TAFA2: variants seen among roughly 807,000 people sequenced by gnomAD.
TAFA2 encodes the protein TAFA chemokine like family member 2.
In TAFA2, 7 loss-of-function variants were observed where a neutral mutation model predicts 18.8. That is an observed-to-expected ratio of 0.37 (90% confidence interval 0.21 to 0.70). TAFA2 has a LOEUF of 0.70. Among genes scored for constraint, TAFA2 ranks in the 30% least tolerant of loss-of-function variants. The pLI is 0.53. For missense variants in TAFA2, 122 were observed against 158.1 expected, an observed-to-expected ratio of 0.77 and a Z score of 1.23; for synonymous variants, 60 against 54.2, an observed-to-expected ratio of 1.11 and a Z score of -0.47.
At chr12:62,080,715 T>G (rs1367702001) in intron 1 of TAFA2, among the ~76,000 whole-genome samples, 3 of 152,196 alleles carry the variant, frequency 2.0e-5, no homozygotes, top group Non-Finnish European at 4.4e-5. Context: ...CCACTTTGTA[T>G]GAAATAGTCA....
At chr12:62,220,644 C>G (rs2062756574) in intron 1 of TAFA2, among the ~76,000 whole-genome samples, 1 of 152,158 alleles carries the variant, frequency 6.6e-6, no homozygotes, top group Non-Finnish European at 1.5e-5. Flanking sequence ...AAATGTACCA[C>G]TCTGGTGGGA....
At chr12:61,781,016 T>G (rs900624344) in intron 2 of TAFA2, among the ~76,000 whole-genome samples, 2 of 151,624 alleles carry the variant, frequency 1.3e-5, no homozygotes, top group African/African-American at 4.8e-5. Context: ...CCCATCTAAC[T>G]ATCTAAAAAT....
chr12:61,896,183 T>A (rs544294416), intron 1 of TAFA2, among the ~76,000 whole-genome samples: 2 of 152,300 alleles, frequency 1.3e-5, no homozygotes, highest in South Asian at 2.1e-4. Context: ...TTTATTTTTG[T>A]TTCATTTCTT....
chr12:61,866,160 G>A (rs767817229), intron 2 of TAFA2, among the ~76,000 whole-genome samples: 2 of 152,104 alleles, frequency 1.3e-5, no homozygotes, highest in Admixed American at 6.5e-5. Context: ...TCACACACAC[G>A]AAAACATACT....
At position 61,749,471 on chromosome 12, in the gene TAFA2, C is replaced by T. The variant is rs552019235; in HGVS notation, c.384+4151G>A. The stretch of plus-strand genomic sequence containing the variant: ...CACAGTAAGAGCTAAGTAAATGCTT[C>T]TGTATTTGCTTTTGTTGTTTTAATT... On this transcript the variant is annotated intron_variant, in intron 4 of 4. Coordinates refer to ENST00000416284, the MANE Select transcript of TAFA2 (RefSeq NM_178539.5). 8.5e-5 allele frequency among the ~76,000 whole-genome samples: 13 copies of T among 152,058 alleles called. No homozygotes were observed. The East Asian group carries it at 2.5e-3, about 30-fold the overall frequency.
chr12:62,039,969 G>A (rs1287819693), intron 1 of TAFA2, among the ~76,000 whole-genome samples: 6 of 152,068 alleles, frequency 3.9e-5, no homozygotes, highest in South Asian at 2.1e-4. Context: ...GCATTCCTCC[G>A]GTTGATTTTT....
chr12:61,910,081 C>T (rs926795011), intron 1 of TAFA2, among the ~76,000 whole-genome samples: 1 of 130,566 alleles, frequency 7.7e-6, no homozygotes. Context: ...GGTGTGCGTG[C>T]TTGTGTGTGT....
intron 4 of TAFA2, among the ~76,000 whole-genome samples, chr12:61,722,953 A>G (rs745539428): frequency 1.3e-5 from 2 of 152,156 alleles, no homozygotes; most frequent in Non-Finnish European, 2.9e-5. Flanking sequence ...TTTATGATAT[A>G]TAACATCCTT....
chr12:62,070,322 T>A (rs548332280), intron 1 of TAFA2: 1 of 152,308 alleles, frequency 6.6e-6, no homozygotes, highest in African/African-American at 2.4e-5. Flanking sequence ...TGAGAGAGAA[T>A]ATGCTACAAA....
At chr12:62,142,155 G>C (rs555973376) in intron 1 of TAFA2, among the ~76,000 whole-genome samples, 4 of 152,270 alleles carry the variant, frequency 2.6e-5, no homozygotes, top group Non-Finnish European at 5.9e-5. Flanking sequence ...ATAAGCTTGT[G>C]ATCTTAAGGA....
At chr12:62,097,406 CA>C (rs1385245683) in intron 1 of TAFA2, among the ~76,000 whole-genome samples, 10 of 152,182 alleles carry the variant, frequency 6.6e-5, no homozygotes, top group African/African-American at 2.4e-4. Flanking sequence ...GCAACACAGG[CA>C]AAGGCCTGAA....
chr12:61,732,369 T>C (rs1467216074), intron 4 of TAFA2, among the ~76,000 whole-genome samples: 1 of 152,148 alleles, frequency 6.6e-6, no homozygotes, highest in African/African-American at 2.4e-5. Flanking sequence ...CTCAATGAAT[T>C]ATTCAATGAA....
At chr12:62,082,677 A>G (rs1461202125) in intron 1 of TAFA2, among the ~76,000 whole-genome samples, 1 of 152,204 alleles carries the variant, frequency 6.6e-6, no homozygotes, top group Non-Finnish European at 1.5e-5. Context: ...CTGAGCACAT[A>G]GAATCTTTTG....
intron 1 of TAFA2, among the ~76,000 whole-genome samples, chr12:62,168,336 A>G (rs2062453919): frequency 3.9e-5 from 6 of 152,226 alleles, no homozygotes; most frequent in Admixed American, 3.9e-4. Flanking sequence ...TTCTTGCCCA[A>G]AAAAATCTAA....
At chr12:62,025,553 T>C (rs559801676) in intron 1 of TAFA2, among the ~76,000 whole-genome samples, 3 of 152,298 alleles carry the variant, frequency 2.0e-5, no homozygotes, top group East Asian at 1.9e-4. Flanking sequence ...GGACTGTTTG[T>C]ACTTAAATGA....
intron 1 of TAFA2, among the ~76,000 whole-genome samples, chr12:62,156,740 G>A (rs1414927655): frequency 6.6e-6 from 1 of 152,138 alleles, no homozygotes; most frequent in African/African-American, 2.4e-5. Flanking sequence ...CTGATATGTG[G>A]GAGCTAAGCT....
chr12:62,124,759 A>G (rs1280229756), intron 1 of TAFA2, among the ~76,000 whole-genome samples: 1 of 152,194 alleles, frequency 6.6e-6, no homozygotes, highest in Non-Finnish European at 1.5e-5. Context: ...ATCTTGCAGA[A>G]TCGTCAAATA....
chr12:61,801,557 T>G (rs188289564), intron 2 of TAFA2, among the ~76,000 whole-genome samples: 1 of 152,094 alleles, frequency 6.6e-6, no homozygotes, highest in Non-Finnish European at 1.5e-5. Flanking sequence ...GTGTCTTATA[T>G]GCAGAAAAAT....
intron 1 of TAFA2, among the ~76,000 whole-genome samples, chr12:62,173,240 C>T (rs2062490835): frequency 6.6e-6 from 1 of 151,536 alleles, no homozygotes; most frequent in Non-Finnish European, 1.5e-5. Flanking sequence ...TGGTGAAACC[C>T]TGTCTCTACT....
Sources: allele counts gnomAD v4.1 joint callset (sites outside exome capture counted in the v4.1 genomes callset), GRCh38; gene constraint gnomAD v4.1.1; transcripts MANE v1.5; gene names NCBI Gene and HGNC (gene_info 2026-07-23, HGNC 2026-07-21).